Variants in TSGA10 observed in about 807,000 individuals in gnomAD.
The protein encoded by TSGA10 is testis specific 10.
TSGA10 carries 43 observed loss-of-function variants against 96.6 expected under a neutral mutation model. The observed-to-expected ratio is 0.44, with a 90% CI of 0.35 to 0.57. TSGA10 has a LOEUF of 0.57. Ranked by LOEUF, TSGA10 falls within the 20% of genes least tolerant of loss-of-function variation. The pLI, the probability that TSGA10 is intolerant of heterozygous loss-of-function variation, is 0.01. For synonymous variants in TSGA10, 229 were observed against 269.9 expected (o/e 0.85, Z 1.48); for missense variants, 703 against 834.4 (o/e 0.84, Z 1.94).
intron 18 of TSGA10, among the ~76,000 whole-genome samples, chr2:99,019,953 T>C (rs766455367): frequency 2.0e-5 from 3 of 152,182 alleles, no homozygotes; most frequent in Non-Finnish European, 2.9e-5. Flanking sequence ...TAGGTTGCAA[T>C]ATATTGGTCT....
At chr2:99,048,507 T>G (rs562654465) in intron 16 of TSGA10, among the ~76,000 whole-genome samples, 1 of 151,972 alleles carries the variant, frequency 6.6e-6, no homozygotes, top group Admixed American at 6.6e-5. Context: ...ATAAATGGTG[T>G]TGGAAAAACT....
intron 17 of TSGA10, among the ~76,000 whole-genome samples, chr2:99,030,445 C>A (rs113858695): frequency 2.6e-5 from 4 of 152,188 alleles, no homozygotes; most frequent in Non-Finnish European, 4.4e-5. Flanking sequence ...GCCAGAAGTT[C>A]GAGACCAGCC....
chr2:99,084,800 G>C (rs565728644), intron 10 of TSGA10, among the ~76,000 whole-genome samples: 1 of 152,020 alleles, frequency 6.6e-6, no homozygotes, highest in East Asian at 1.9e-4. Flanking sequence ...GGCTGATATT[G>C]TTAGTCACCC....
At chr2:99,045,952 C>A (rs951142860) in intron 16 of TSGA10, among the ~76,000 whole-genome samples, 7 of 151,976 alleles carry the variant, frequency 4.6e-5, no homozygotes, top group Non-Finnish European at 1.0e-4. Context: ...GACTTTAAAC[C>A]ACAAAGATCA....
At chr2:99,103,027 T>G (rs1015484378) in intron 10 of TSGA10, among the ~76,000 whole-genome samples, 1 of 152,094 alleles carries the variant, frequency 6.6e-6, no homozygotes, top group African/African-American at 2.4e-5. Context: ...CCTAATTATT[T>G]TATCGCTTAT....
intron 16 of TSGA10, among the ~76,000 whole-genome samples, chr2:99,050,155 T>C (rs2083241283): frequency 6.6e-6 from 1 of 151,968 alleles, no homozygotes; most frequent in South Asian, 2.1e-4. Flanking sequence ...CACCCAGAAA[T>C]GGGAGGGCGA....
intron 7 of TSGA10, 91 bp downstream of exon 7, chr2:99,108,742 G>A (rs1050589363): frequency 4.5e-6 from 4 of 893,700 alleles, no homozygotes; most frequent in African/African-American, 1.7e-5. Context: ...TTGATTTGCA[G>A]GTTTAAGCAG....
At chr2:99,152,366 A>G (rs1450189137) in intron 1 of TSGA10, among the ~76,000 whole-genome samples, 1 of 152,148 alleles carries the variant, frequency 6.6e-6, no homozygotes. Context: ...AGCTCAGTGC[A>G]GTGTCGAATT....
At chr2:99,052,864 T>C (rs150891978) in intron 16 of TSGA10, among the ~76,000 whole-genome samples, 214 of 151,760 alleles carry the variant, frequency 1.4e-3, no homozygotes, top group Middle Eastern at 3.4e-3. Context: ...AGCTCAGGAG[T>C]TCAGGACTAG....
At chr2:99,013,462 G>A (rs1048275222) in intron 20 of TSGA10, among the ~76,000 whole-genome samples, 13 of 151,666 alleles carry the variant, frequency 8.6e-5, no homozygotes, top group African/African-American at 2.9e-4. Flanking sequence ...CCTCCCGAGT[G>A]GCTGGGACTA....
chr2:99,105,646 T>G lies in TSGA10; in HGVS notation c.262A>C (p.Ser88Arg). ...GCATGTGCCGTTGTTGATTTAGGAC[T>G]CTTACAGCTTTTCATCATTTCTCGT... ...LRREMMKSCK[S>R]PKSTTAHAIL... is the part of the protein sequence containing the mutation. The change falls in exon 8 of 21, where the codon AGT (serine) becomes CGT (arginine). Residue 88 changes from serine to arginine, a missense_variant. Physicochemically the swap from Ser to Arg is moderately radical, Grantham distance 110 (BLOSUM62 -1). This residue lies in a region of TSGA10 where 585 missense variants were observed against 656.8 expected (regional missense o/e 0.89). Coordinates refer to ENST00000393483, the MANE Select transcript of TSGA10 (RefSeq NM_025244.4). 2 of 1,597,366 alleles carry G rather than the reference T, an allele frequency of 1.3e-6. No individual in the cohort carries two copies. Among genetic ancestry groups the G allele is most frequent in the Non-Finnish European group, 1.7e-6 (2 of 1,165,856 alleles).
At chr2:99,125,858 C>T (rs1368101704) in intron 2 of TSGA10, 2 of 152,260 alleles carry the variant, frequency 1.3e-5, no homozygotes, top group African/African-American at 2.4e-5. Flanking sequence ...TGCCTCATTA[C>T]AGTTCCCTAC....
chr2:99,069,856 T>C (rs910983545), intron 14 of TSGA10, among the ~76,000 whole-genome samples: 11 of 152,168 alleles, frequency 7.2e-5, no homozygotes, highest in African/African-American at 2.6e-4. Context: ...CTGTGAGAAA[T>C]GTTTGGAATG....
chr2:99,111,222 G>A (rs1194416779), intron 4 of TSGA10, among the ~76,000 whole-genome samples: 1 of 151,914 alleles, frequency 6.6e-6, no homozygotes, highest in African/African-American at 2.4e-5. Flanking sequence ...GAAGATAATA[G>A]GAAAGCAATA....
chr2:99,011,695 T>C (rs2079022682), intron 20 of TSGA10, among the ~76,000 whole-genome samples: 2 of 152,194 alleles, frequency 1.3e-5, no homozygotes, highest in Non-Finnish European at 2.9e-5. Flanking sequence ...TGTGTGTGTG[T>C]CTGTGAAGAA....
chr2:99,150,444 C>G, intron 1 of TSGA10: 1 of 1,167,560 alleles, frequency 8.6e-7, no homozygotes, highest in Non-Finnish European at 1.2e-6. Flanking sequence ...TAGGGAAATT[C>G]CTGCTGCATT....
At chr2:99,062,268 C>T (rs932138531) in intron 16 of TSGA10, among the ~76,000 whole-genome samples, 1 of 151,924 alleles carries the variant, frequency 6.6e-6, no homozygotes, top group Non-Finnish European at 1.5e-5. Context: ...AGAATATTAT[C>T]AAATATTGAT....
intron 16 of TSGA10, among the ~76,000 whole-genome samples, chr2:99,059,400 C>T (rs1019535279): frequency 3.1e-4 from 47 of 150,252 alleles, no homozygotes; most frequent in African/African-American, 1.0e-3. Flanking sequence ...TTTCGGAAGC[C>T]GACGTGGGCA....
At chr2:99,118,245 G>A (rs1376248094) in intron 3 of TSGA10, among the ~76,000 whole-genome samples, 2 of 151,882 alleles carry the variant, frequency 1.3e-5, no homozygotes, top group Admixed American at 6.6e-5. Context: ...GAGGTCAGGA[G>A]TTTGAGACCA....
Sources: gnomAD v4.1 joint callset for allele counts (sites outside exome capture counted in the v4.1 genomes callset) on GRCh38, gnomAD v4.1.1 for gene constraint, gnomAD v4.1.1 regional missense constraint, MANE v1.5 for transcripts, NCBI Gene and HGNC (gene_info 2026-07-23, HGNC 2026-07-21) for gene names.